Variants in AP1AR observed in about 807,000 individuals in gnomAD.
The protein encoded by AP1AR is adaptor related protein complex 1 associated regulatory protein.
Under a neutral mutation model 46.3 loss-of-function variants are expected in AP1AR, and 29 were observed. The ratio of observed to expected loss-of-function variants is 0.63; its 90% CI spans 0.47 to 0.85. The LOEUF (loss-of-function observed/expected upper bound fraction) is 0.85. AP1AR is among the 40% of genes least tolerant of loss of function. AP1AR has a pLI of 0.00. For synonymous variants in AP1AR, 122 were observed against 122.9 expected (o/e 0.99, Z 0.05); for missense variants, 357 against 356.3 (o/e 1.00, Z -0.02).
At chr4:112,234,541 T>C (rs922580896) in intron 1 of AP1AR, among the ~76,000 whole-genome samples, 7 of 152,242 alleles carry the variant, frequency 4.6e-5, no homozygotes, top group African/African-American at 1.4e-4. Context: ...CTTACTTGAA[T>C]TTTCTGATTA....
intron 1 of AP1AR, among the ~76,000 whole-genome samples, chr4:112,250,420 A>T (rs969555076): frequency 2.0e-5 from 3 of 152,238 alleles, no homozygotes; most frequent in African/African-American, 7.2e-5. Flanking sequence ...CATATATATT[A>T]CATAGAATAT....
At chr4:112,256,777 A>G (rs1297956671) in intron 3 of AP1AR, among the ~76,000 whole-genome samples, 1 of 152,260 alleles carries the variant, frequency 6.6e-6, no homozygotes, top group African/African-American at 2.4e-5. Flanking sequence ...AGATAATTTC[A>G]TAACCTTGTG....
intron 5 of AP1AR, among the ~76,000 whole-genome samples, chr4:112,261,319 C>T (rs904648941): frequency 6.6e-6 from 1 of 152,048 alleles, no homozygotes; most frequent in African/African-American, 2.4e-5. Flanking sequence ...GTGGTCCCAG[C>T]TATTTGGGAG....
At chr4:112,260,261 G>A (rs1726382376) in intron 4 of AP1AR, among the ~76,000 whole-genome samples, 1 of 152,194 alleles carries the variant, frequency 6.6e-6, no homozygotes, top group African/African-American at 2.4e-5. Context: ...AGTGAAGCAA[G>A]GCCAGAAGAT....
intron 5 of AP1AR, among the ~76,000 whole-genome samples, chr4:112,261,321 A>G (rs1726432710): frequency 6.6e-6 from 1 of 152,100 alleles, no homozygotes; most frequent in Non-Finnish European, 1.5e-5. Context: ...GGTCCCAGCT[A>G]TTTGGGAGGC....
Position 112,232,044 on chromosome 4 carries a change from C to A in AP1AR, c.-48C>A. ...TGCAGCTGCCGGGCCTGGGTTTGGG[C>A]ATTGAGCGGGAGGAGGAGGAGGAGC... On this transcript the variant is annotated 5_prime_UTR_variant, in exon 1 of 10. Transcript: ENST00000274000. The A allele has an allele frequency of 1.5e-6, 2 of 1,340,620 alleles. No homozygotes were observed. The highest frequency in any genetic ancestry group is 3.8e-5 in the South Asian group (2 of 52,262). 83.0% of individuals were successfully genotyped at this position (1,340,620 alleles called of 1,614,324 possible). A position where few individuals can be genotyped will look rare whatever the true frequency, so the allele number is the denominator to read the frequency against.
intron 6 of AP1AR, among the ~76,000 whole-genome samples, chr4:112,264,704 A>T (rs1318796029): frequency 6.6e-6 from 1 of 152,084 alleles, no homozygotes; most frequent in African/African-American, 2.4e-5. Flanking sequence ...GTTGGTTGGA[A>T]GTTCTTGGGT....
chr4:112,253,994 TTTA>T (rs1279734989), intron 2 of AP1AR, among the ~76,000 whole-genome samples: 1 of 152,178 alleles, frequency 6.6e-6, no homozygotes, highest in Non-Finnish European at 1.5e-5. Context: ...CTTTAACAGT[TTTA>T]TTCTTTTTTC....
At chr4:112,253,086 A>C in intron 1 of AP1AR, 122 bp from the exon 2 acceptor site, 1 of 632,092 alleles carries the variant, frequency 1.6e-6, no homozygotes. Flanking sequence ...TTTTTTTATA[A>C]ATATAACTAT....
chr4:112,250,144 C>G (rs559456472), intron 1 of AP1AR, among the ~76,000 whole-genome samples: 1 of 152,214 alleles, frequency 6.6e-6, no homozygotes, highest in Non-Finnish European at 1.5e-5. Context: ...CCTTCACTTA[C>G]ATTCTCATCC....
At chr4:112,236,024 C>G (rs1003017008) in intron 1 of AP1AR, among the ~76,000 whole-genome samples, 1 of 151,830 alleles carries the variant, frequency 6.6e-6, no homozygotes, top group South Asian at 2.1e-4. Flanking sequence ...GTATTACCTG[C>G]CCCTGAAGAA....
At chr4:112,240,082 A>G (rs1022054220) in intron 1 of AP1AR, among the ~76,000 whole-genome samples, 1 of 152,256 alleles carries the variant, frequency 6.6e-6, no homozygotes, top group African/African-American at 2.4e-5. Flanking sequence ...TCTGTGACAC[A>G]AATACAACAT....
chr4:112,237,425 C>A (rs1346938991), intron 1 of AP1AR, among the ~76,000 whole-genome samples: 1 of 149,470 alleles, frequency 6.7e-6, no homozygotes, highest in African/African-American at 2.5e-5. Context: ...GTTTTCTAAC[C>A]CTGTGCCTTT....
At chr4:112,249,793 A>T (rs1308058620) in intron 1 of AP1AR, among the ~76,000 whole-genome samples, 1 of 152,154 alleles carries the variant, frequency 6.6e-6, no homozygotes, top group Non-Finnish European at 1.5e-5. Flanking sequence ...AAAGCAATAG[A>T]TGTTGGCGAG....
rs929499721 is a variant in AP1AR, at chr4:112,271,747, T to A, written c.*3338T>A. Among the ~76,000 whole-genome samples the A allele has an allele frequency of 6.6e-6, 1 of 152,164 alleles. No individual in the cohort carries two copies. The highest frequency in any genetic ancestry group is 2.4e-5 in the African/African-American group (1 of 41,438). On this transcript the variant is annotated 3_prime_UTR_variant, in exon 10 of 10. Coordinates refer to ENST00000274000, the MANE Select transcript of AP1AR (RefSeq NM_018569.6). Reference sequence around the variant, plus strand: ...TTGAGGTGTTCATAAGATATTTGGATGAAGATGTCAAGTAGGTGATGGGAT... The same window carrying A: ...TTGAGGTGTTCATAAGATATTTGGAAGAAGATGTCAAGTAGGTGATGGGAT...
At chr4:112,264,796 T>C (rs866613838) in intron 6 of AP1AR, among the ~76,000 whole-genome samples, 2 of 152,118 alleles carry the variant, frequency 1.3e-5, no homozygotes, top group Non-Finnish European at 2.9e-5. Context: ...TTCTGGCCAC[T>C]TCTGGATTAC....
At chr4:112,253,145 T>C in intron 1 of AP1AR, 63 bp from the exon 2 acceptor site, 3 of 1,226,180 alleles carry the variant, frequency 2.4e-6, no homozygotes, top group Non-Finnish European at 2.4e-6. Flanking sequence ...GTTTTTATGC[T>C]ATATATTAAT....
intron 7 of AP1AR, 36 bp downstream of exon 7, chr4:112,265,103 G>T (rs754765804): frequency 6.5e-7 from 1 of 1,537,376 alleles, no homozygotes; most frequent in Non-Finnish European, 8.8e-7. Flanking sequence ...TCCCTTTGTG[G>T]TAGAACATTT....
intron 3 of AP1AR, among the ~76,000 whole-genome samples, chr4:112,255,580 T>A (rs541936556): frequency 2.0e-5 from 3 of 152,302 alleles, no homozygotes; most frequent in South Asian, 2.1e-4. Flanking sequence ...AGTAGGCCTA[T>A]TCTTTATAGT....
Sources: allele counts gnomAD v4.1 joint callset (sites outside exome capture counted in the v4.1 genomes callset), GRCh38; gene constraint gnomAD v4.1.1; transcripts MANE v1.5; gene names NCBI Gene and HGNC (gene_info 2026-07-23, HGNC 2026-07-21).